The following MACROH2A1 variants were observed in gnomAD, a reference collection of about 807,000 sequenced individuals.
MACROH2A1 encodes the protein macroH2A.1 histone.
Under a neutral mutation model 31.6 loss-of-function variants are expected in MACROH2A1, and 2 were observed. The observed-to-expected ratio is 0.06, with a 90% CI of 0.03 to 0.20. The LOEUF (loss-of-function observed/expected upper bound fraction) is 0.20, where lower values mean the gene tolerates loss of function less well. Ranked by LOEUF, MACROH2A1 falls within the 10% of genes least tolerant of loss-of-function variation. The probability of loss-of-function intolerance (pLI) is 1.00; values close to 1 mark genes in which losing one functional copy is unlikely to be tolerated. For synonymous variants in MACROH2A1, 169 were observed against 189.6 expected, an observed-to-expected ratio of 0.89 and a Z score of 0.89; for missense variants, 230 against 474.0, an observed-to-expected ratio of 0.49 and a Z score of 4.78.
chr5:135,358,634 G>A lies in MACROH2A1; in HGVS notation c.588+1863C>T, dbSNP rs1371276909. On this transcript the variant is annotated intron_variant, in intron 5 of 8. Transcript: ENST00000511689. ...ATTTTCCTTCCAAAAGTCAAGATAA[G>A]CACATTAATTTCACTGTTAAGCTAA... 5 of 979,526 alleles carry A rather than the reference G, an allele frequency of 5.1e-6. No individual in the cohort carries two copies. In the East Asian group the frequency reaches 4.6e-4, roughly 89 times the overall value. 60.7% of individuals were successfully genotyped at this position (979,526 alleles called of 1,614,324 possible).
At chr5:135,335,683 C>T (rs1032126133) in intron 8 of MACROH2A1, among the ~76,000 whole-genome samples, 1 of 152,202 alleles carries the variant, frequency 6.6e-6, no homozygotes, top group Non-Finnish European at 1.5e-5. Context: ...GAGCTGTGGG[C>T]TCTTCAACTC....
chr5:135,346,757 G>A (rs1387926666), intron 6 of MACROH2A1: 1 of 152,256 alleles, frequency 6.6e-6, no homozygotes, highest in Non-Finnish European at 1.5e-5. Flanking sequence ...AGCTTGGAAA[G>A]GAGGATGTCT....
intron 5 of MACROH2A1, chr5:135,355,140 G>A (rs1365150209): frequency 2.2e-6 from 1 of 456,028 alleles, no homozygotes; most frequent in East Asian, 6.9e-5. Context: ...CCCCCTCAGT[G>A]GCCTGTATCT....
intron 8 of MACROH2A1, among the ~76,000 whole-genome samples, chr5:135,340,070 A>G (rs2149714584): frequency 6.6e-6 from 1 of 152,296 alleles, no homozygotes; most frequent in South Asian, 2.1e-4. Flanking sequence ...GTACGCAGGC[A>G]GGGGGCAGTC....
chr5:135,345,779 G>A, intron 7 of MACROH2A1, 189 bp downstream of exon 7: 1 of 552,096 alleles, frequency 1.8e-6, no homozygotes, highest in Non-Finnish European at 3.2e-6. Flanking sequence ...AAAATGCAAA[G>A]GTGATTTTCC....
intron 8 of MACROH2A1, among the ~76,000 whole-genome samples, chr5:135,337,144 G>A (rs1447666224): frequency 4.6e-5 from 7 of 152,274 alleles, no homozygotes; most frequent in East Asian, 3.8e-4. Flanking sequence ...AGCCTCACAC[G>A]TGCACAGGGA....
chr5:135,375,277 A>G (rs1764709071), intron 2 of MACROH2A1, among the ~76,000 whole-genome samples: 1 of 152,196 alleles, frequency 6.6e-6, no homozygotes, highest in Non-Finnish European at 1.5e-5. Context: ...CTGCAGGGAC[A>G]TCCTGGGCCA....
At chr5:135,359,031 C>A in intron 5 of MACROH2A1, 1 of 985,392 alleles carries the variant, frequency 1.0e-6, no homozygotes, top group Non-Finnish European at 1.2e-6. Context: ...AGAAGGGCAT[C>A]TGCATTTTGC....
intron 4 of MACROH2A1, chr5:135,360,999 C>T: frequency 8.8e-6 from 3 of 341,948 alleles, no homozygotes; most frequent in South Asian, 7.0e-5. Context: ...TGTTCTAGGT[C>T]ACTAATTCTC....
intron 8 of MACROH2A1, among the ~76,000 whole-genome samples, chr5:135,337,524 G>GACTT (rs1244990069): frequency 1.3e-5 from 2 of 152,248 alleles, no homozygotes; most frequent in Admixed American, 1.3e-4. Flanking sequence ...AAGAGTATGT[G>GACTT]ACTTTCAGTG....
At chr5:135,360,462 G>T in intron 5 of MACROH2A1, 35 bp downstream of exon 5, 1 of 1,351,994 alleles carries the variant, frequency 7.4e-7, no homozygotes, top group Non-Finnish European at 1.1e-6. Context: ...GTCCCTTGGG[G>T]CCCTCGAGTA....
intron 2 of MACROH2A1, among the ~76,000 whole-genome samples, chr5:135,374,110 G>A (rs895028960): frequency 1.2e-4 from 19 of 152,122 alleles, no homozygotes; most frequent in African/African-American, 4.3e-4. Flanking sequence ...AACAAAAGCA[G>A]TAACCCAGAA....
chr5:135,338,935 G>A (rs964885885), intron 8 of MACROH2A1, among the ~76,000 whole-genome samples: 1 of 152,170 alleles, frequency 6.6e-6, no homozygotes, highest in Non-Finnish European at 1.5e-5. Flanking sequence ...GTGTTTCAGG[G>A]GTCTGTGCAG....
In MACROH2A1 at chr5:135,381,841, C is replaced by T. The variant is rs541980909; in HGVS notation, c.172+7081G>A. 3.9e-5 allele frequency among the ~76,000 whole-genome samples: 6 copies of T among 152,276 alleles called. No homozygotes were observed. The East Asian group carries it at 1.2e-3, about 29-fold the overall frequency. ...ACAACATGACTGAGATTAACAGATA[C>T]AGAAGACAGAGTAAAATACTAACGT... On this transcript the variant is annotated intron_variant, in intron 2 of 8. Coordinates refer to ENST00000511689, the MANE Select transcript of MACROH2A1 (RefSeq NM_138610.3).
chr5:135,365,737 T>A (rs1432129387), intron 4 of MACROH2A1, among the ~76,000 whole-genome samples: 1 of 152,258 alleles, frequency 6.6e-6, no homozygotes, highest in Non-Finnish European at 1.5e-5. Flanking sequence ...AAGCTAAAAA[T>A]ATACTCACTC....
intron 8 of MACROH2A1, among the ~76,000 whole-genome samples, chr5:135,338,715 C>A (rs1182388020): frequency 2.0e-5 from 3 of 152,198 alleles, no homozygotes; most frequent in Non-Finnish European, 4.4e-5. Flanking sequence ...TGCATAACCA[C>A]GGCCCCTCTG....
chr5:135,353,386 T>C (rs973890520), intron 5 of MACROH2A1: 1 of 279,102 alleles, frequency 3.6e-6, no homozygotes, highest in African/African-American at 2.2e-5. Context: ...GAATGAGTAC[T>C]CATTGCTGAG....
In MACROH2A1 at chr5:135,399,022, G is replaced by C. The variant is rs1442179323; in HGVS notation, c.-34+40C>G. 2.0e-5 allele frequency: 3 copies of C among 150,246 alleles called. No homozygotes were observed. The highest frequency in any genetic ancestry group is 1.9e-4 in the South Asian group (1 of 5,326). The allele number at this position is 150,246 out of a possible 1,614,324, so 9.3% of individuals were successfully genotyped here. A position where few individuals can be genotyped will look rare whatever the true frequency, so the allele number is the denominator to read the frequency against. On this transcript the variant is annotated intron_variant, in intron 1 of 8. Coordinates refer to ENST00000511689, the MANE Select transcript of MACROH2A1 (RefSeq NM_138610.3). The surrounding 1 kb of genome is among the most constrained non-coding windows in gnomAD (Gnocchi z 4.5). ...CACCCGCGGCCGGACCCGAGCGGCG[G>C]GGACAGGGAGTGCGGCAAGGGGGCC...
Position 135,344,559 on chromosome 5 carries a change from T to C in MACROH2A1, c.779-1125A>G, listed in dbSNP as rs747015767. On this transcript the variant is annotated intron_variant, in intron 7 of 8. Transcript: ENST00000511689. ...GGCTTGAGAACTCTGGGCTGACCTA[T>C]AAAAACCTGACATTGGGGGTTGAAT... is the stretch of plus-strand genomic sequence containing the variant. 4 of 151,988 alleles carry C rather than the reference T, an allele frequency of 2.6e-5. No individual in the cohort carries two copies. In the East Asian group the frequency reaches 5.8e-4, roughly 22 times the overall value. The allele number at this position is 151,988 out of a possible 1,614,324, so 9.4% of individuals were successfully genotyped here.
Sources: allele counts gnomAD v4.1 joint callset (sites outside exome capture counted in the v4.1 genomes callset), GRCh38; gene constraint gnomAD v4.1.1; non-coding constraint Gnocchi (gnomAD v3.1); transcripts MANE v1.5; gene names NCBI Gene and HGNC (gene_info 2026-07-23, HGNC 2026-07-21).